CUX2: variants seen among roughly 807,000 people sequenced by gnomAD.
CUX2 encodes the protein cut like homeobox 2.
CUX2 carries 40 observed loss-of-function variants against 144.8 expected under a neutral mutation model. The ratio of observed to expected loss-of-function variants is 0.28; its 90% CI spans 0.21 to 0.36. The LOEUF is 0.36. Ranked by LOEUF, CUX2 falls within the 10% of genes least tolerant of loss-of-function variation. The pLI is 1.00. For missense variants in CUX2, 1,615 were observed against 1,994.0 expected, an observed-to-expected ratio of 0.81 and a Z score of 3.62; for synonymous variants, 827 against 875.6, an observed-to-expected ratio of 0.94 and a Z score of 0.98.
intron 20 of CUX2, 31 bp from the exon 21 acceptor site, chr12:111,341,749 C>T: frequency 6.5e-7 from 1 of 1,546,330 alleles, no homozygotes; most frequent in Non-Finnish European, 8.7e-7. Flanking sequence ...GGGACACCAC[C>T]TCTCAGCCCT....
At position 111,320,175 on chromosome 12, in the gene CUX2, G is replaced by A; in HGVS notation, c.2166G>A (p.Ser722=). The A allele has an allele frequency of 6.5e-7, 1 of 1,535,124 alleles. No individual in the cohort carries two copies. The highest frequency in any genetic ancestry group is 2.4e-5 in the East Asian group (1 of 41,338). ...TGGAGGTGGCGCCCAGGGGCCGCTC[G>A]GTGCCCCCCTCGCCCCCGGAGCGGC... ...LEMEVAPRGR[S]VPPSPPERPS... Residue 722 remains serine, a synonymous_variant, in exon 17 of 22, where the codon TCG becomes TCA. Coordinates refer to ENST00000261726, the MANE Select transcript of CUX2 (RefSeq NM_015267.4). The surrounding 1 kb of genome is among the most constrained non-coding windows in gnomAD (Gnocchi z 8.1).
intron 4 of CUX2, among the ~76,000 whole-genome samples, chr12:111,285,887 G>A (rs1033276902): frequency 4.6e-5 from 7 of 152,252 alleles, no homozygotes; most frequent in Non-Finnish European, 7.3e-5. Context: ...CACAGTGTGA[G>A]AGGAAGAGGT....
At chr12:111,053,151 A>G (rs1257959019) in intron 1 of CUX2, among the ~76,000 whole-genome samples, 1 of 152,210 alleles carries the variant, frequency 6.6e-6, no homozygotes, top group Non-Finnish European at 1.5e-5. Flanking sequence ...ATCCCCTCAT[A>G]GCATCTCCAC....
At chr12:111,336,080 G>A (rs748008588) in intron 19 of CUX2, among the ~76,000 whole-genome samples, 2 of 152,168 alleles carry the variant, frequency 1.3e-5, no homozygotes, top group African/African-American at 4.8e-5. Context: ...CTCAGCCCAC[G>A]GCTTTAAAAA....
At chr12:111,329,500 G>A (rs923402525) in intron 18 of CUX2, among the ~76,000 whole-genome samples, 9 of 152,146 alleles carry the variant, frequency 5.9e-5, no homozygotes, top group Admixed American at 6.6e-5. Flanking sequence ...TTGGGGGGTG[G>A]CTGTGTTCTT....
At chr12:111,330,935 T>G (rs1888097476) in intron 18 of CUX2, among the ~76,000 whole-genome samples, 1 of 150,780 alleles carries the variant, frequency 6.6e-6, no homozygotes, top group Admixed American at 6.6e-5. Context: ...CCCAAAAGTC[T>G]AATAGACCTC....
At chr12:111,212,292 C>T (rs1881276130) in intron 1 of CUX2, among the ~76,000 whole-genome samples, 1 of 152,204 alleles carries the variant, frequency 6.6e-6, no homozygotes, top group African/African-American at 2.4e-5. Context: ...CTGATAAAAA[C>T]CGGGCTTTTA....
At chr12:111,216,770 C>T (rs148791501) in intron 2 of CUX2, among the ~76,000 whole-genome samples, 4 of 146,206 alleles carry the variant, frequency 2.7e-5, no homozygotes, top group Admixed American at 6.7e-5. Context: ...TGAAGGTCCC[C>T]AACATACATC....
At chr12:111,242,592 T>A (rs1883079143) in intron 3 of CUX2, among the ~76,000 whole-genome samples, 1 of 152,162 alleles carries the variant, frequency 6.6e-6, no homozygotes, top group African/African-American at 2.4e-5. Flanking sequence ...GGTGGGCAGA[T>A]CACCTTAGGT....
Position 111,050,770 on chromosome 12 carries a change from G to A in CUX2, c.63+16530G>A, listed in dbSNP as rs1402356316. 3.3e-5 allele frequency among the ~76,000 whole-genome samples: 5 copies of A among 152,162 alleles called. No homozygotes were observed. In the East Asian group the frequency reaches 9.6e-4, roughly 29 times the overall value. On this transcript the variant is annotated intron_variant, in intron 1 of 21. Transcript: ENST00000261726. ...CCTAATTTCTTCCTTTGCTGACTCT[G>A]GCTTCTCCACTCTTTTGACCACAGC...
rs1420656505 is a variant in CUX2 at position 111,034,287 on chromosome 12, C to G, written c.63+47C>G. 1 of 1,251,664 alleles carries G rather than the reference C, an allele frequency of 8.0e-7. No individual in the cohort carries two copies. Among genetic ancestry groups the G allele is most frequent in the African/African-American group, 1.6e-5 (1 of 62,272 alleles). The allele number at this position is 1,251,664 out of a possible 1,614,324, so 77.5% of individuals were successfully genotyped here. Reference sequence around the variant, plus strand: ...CGCGCGGCCGTGAGGAGCCCCCGGGCGCGCCCTGGGCGCATTGGGGAGGTC... The same window carrying G: ...CGCGCGGCCGTGAGGAGCCCCCGGGGGCGCCCTGGGCGCATTGGGGAGGTC... On this transcript the variant is annotated intron_variant, in intron 1 of 21. Coordinates refer to ENST00000261726, the MANE Select transcript of CUX2 (RefSeq NM_015267.4). This position sits in a 1 kb window ranked among gnomAD's most constrained non-coding sequence, Gnocchi z 4.2.
chr12:111,214,273 T>G lies in CUX2; in HGVS notation c.137T>G (p.Ile46Ser), dbSNP rs371927310. 1.7e-5 allele frequency: 28 copies of G among 1,609,838 alleles called. No individual in the cohort carries two copies. The highest frequency in any genetic ancestry group is 2.2e-5 in the Non-Finnish European group (26 of 1,178,322). Residue 46 changes from isoleucine to serine, a missense_variant, in exon 2 of 22, where the codon ATT becomes AGT. Ile to Ser is a moderately radical substitution (Grantham distance 142). Transcript: ENST00000261726. ...EESEHSHKHL[I>S]ELRREFKKNV... Reference sequence around the variant, plus strand: ...AGTGAACATTCTCATAAACATTTAATTGAACTCCGCCGGGAATTTAAGAAA... The same window carrying G: ...AGTGAACATTCTCATAAACATTTAAGTGAACTCCGCCGGGAATTTAAGAAA...
intron 18 of CUX2, among the ~76,000 whole-genome samples, chr12:111,324,921 A>G (rs1887701869): frequency 6.6e-6 from 1 of 152,106 alleles, no homozygotes; most frequent in African/African-American, 2.4e-5. Flanking sequence ...GTATATTTCT[A>G]TATGTTTTTA....
intron 1 of CUX2, among the ~76,000 whole-genome samples, chr12:111,065,987 A>T (rs143205488): frequency 1.3e-5 from 2 of 152,358 alleles, no homozygotes; most frequent in African/African-American, 4.8e-5. Context: ...ATACATTCTC[A>T]GGGGAAGCTA....
intron 16 of CUX2, among the ~76,000 whole-genome samples, chr12:111,316,250 C>T (rs558379542): frequency 6.6e-6 from 1 of 150,620 alleles, no homozygotes; most frequent in South Asian, 2.1e-4. Flanking sequence ...CAAGTGATTC[C>T]GCCTCAGCCT....
intron 1 of CUX2, among the ~76,000 whole-genome samples, chr12:111,084,125 A>G (rs1872059669): frequency 6.6e-6 from 1 of 152,234 alleles, no homozygotes; most frequent in Admixed American, 6.5e-5. Context: ...AGAGGCAGAT[A>G]GAGCCCTGAC....
chr12:111,056,702 C>A (rs972494093), intron 1 of CUX2, among the ~76,000 whole-genome samples: 1 of 152,222 alleles, frequency 6.6e-6, no homozygotes, highest in Non-Finnish European at 1.5e-5. Flanking sequence ...ACGTAGATCC[C>A]ACCACTGGGT....
chr12:111,319,732 A>C (rs970405152), intron 16 of CUX2, among the ~76,000 whole-genome samples: 13 of 152,226 alleles, frequency 8.5e-5, no homozygotes, highest in African/African-American at 3.1e-4. Flanking sequence ...ACTCCATCTC[A>C]AAACAAAACA....
chr12:111,279,754 CCAG>C (rs1167713978), intron 4 of CUX2, among the ~76,000 whole-genome samples: 4 of 152,132 alleles, frequency 2.6e-5, no homozygotes, highest in Non-Finnish European at 5.9e-5. Flanking sequence ...AAGGCCAAGG[CCAG>C]CAGATCGCAA....
Sources: gnomAD v4.1 joint callset for allele counts (sites outside exome capture counted in the v4.1 genomes callset) on GRCh38, gnomAD v4.1.1 for gene constraint, Gnocchi (gnomAD v3.1) non-coding constraint, MANE v1.5 for transcripts, NCBI Gene and HGNC (gene_info 2026-07-23, HGNC 2026-07-21) for gene names.